OSBPL3: variants seen among roughly 807,000 people sequenced by gnomAD.
OSBPL3 encodes oxysterol-binding protein-related protein 3.
Under a neutral mutation model 120.1 loss-of-function variants are expected in OSBPL3, and 65 were observed. That is an observed-to-expected ratio of 0.54 (90% CI 0.44 to 0.67). The LOEUF is 0.67. OSBPL3 is among the 30% of genes least tolerant of loss of function. OSBPL3 has a pLI of 0.00. For synonymous variants in OSBPL3, 416 were observed against 402.6 expected, an observed-to-expected ratio of 1.03 and a Z score of -0.40; for missense variants, 1,004 against 1,082.1, an observed-to-expected ratio of 0.93 and a Z score of 1.01.
At chr7:24,962,498 T>C (rs1444295474) in intron 1 of OSBPL3, among the ~76,000 whole-genome samples, 6 of 131,730 alleles carry the variant, frequency 4.6e-5, no homozygotes, top group African/African-American at 1.8e-4. Context: ...GAGGAGACGC[T>C]TGGCCCATGC....
At position 24,835,699 on chromosome 7, in the gene OSBPL3, G is replaced by A. The variant is rs1203999296; in HGVS notation, c.1496-963C>T. Among the ~76,000 whole-genome samples the A allele has an allele frequency of 6.6e-6, 1 of 152,132 alleles. No homozygotes were observed. Among genetic ancestry groups the A allele is most frequent in the Non-Finnish European group, 1.5e-5 (1 of 68,032 alleles). ...CAACAGTAGACTAGATAAAGAAAAT[G>A]TGGTACATATACACCATGGAATACT... is the stretch of plus-strand genomic sequence containing the variant. On this transcript the variant is annotated intron_variant, in intron 14 of 22. Coordinates refer to ENST00000313367, the MANE Select transcript of OSBPL3 (RefSeq NM_015550.4). This position sits in a 1 kb window ranked among gnomAD's most constrained non-coding sequence, Gnocchi z 4.8.
intron 2 of OSBPL3, among the ~76,000 whole-genome samples, chr7:24,880,602 C>T (rs929105734): frequency 1.3e-5 from 2 of 152,142 alleles, no homozygotes; most frequent in African/African-American, 4.8e-5. Context: ...TTTCCTGTAC[C>T]ATCATGGAAT....
chr7:24,869,847 C>T (rs568304720), intron 5 of OSBPL3, among the ~76,000 whole-genome samples: 7 of 152,196 alleles, frequency 4.6e-5, no homozygotes, highest in African/African-American at 9.7e-5. Flanking sequence ...AGACAAGGAG[C>T]TCATGATCTC....
rs1297862279 is a variant in OSBPL3, at chr7:24,877,814, T to G, written c.97-5745A>C. 6.6e-6 allele frequency among the ~76,000 whole-genome samples: 1 copy of G among 152,160 alleles called. No individual in the cohort carries two copies. Among genetic ancestry groups the G allele is most frequent in the Non-Finnish European group, 1.5e-5 (1 of 68,012 alleles). On this transcript the variant is annotated intron_variant, in intron 2 of 22. Coordinates refer to ENST00000313367, the MANE Select transcript of OSBPL3 (RefSeq NM_015550.4). The surrounding 1 kb of genome is among the most constrained non-coding windows in gnomAD (Gnocchi z 4.8). Reference sequence around the variant, plus strand: ...GGCAGGCACCTTGAGCTGCATATCCTGAGACACAGTACAGGGTAGACTTGG... The same window carrying G: ...GGCAGGCACCTTGAGCTGCATATCCGGAGACACAGTACAGGGTAGACTTGG...
At chr7:24,897,319 T>TC (rs1806296758) in intron 1 of OSBPL3, among the ~76,000 whole-genome samples, 1 of 138,370 alleles carries the variant, frequency 7.2e-6, no homozygotes, top group Non-Finnish European at 1.5e-5. Context: ...GATGGCAGAA[T>TC]CTTTTTTTTT....
chr7:24,927,754 T>C (rs1461915107), intron 1 of OSBPL3, among the ~76,000 whole-genome samples: 1 of 152,186 alleles, frequency 6.6e-6, no homozygotes, highest in Non-Finnish European at 1.5e-5. Context: ...AATGGCATGA[T>C]AAAAATATTT....
Position 24,877,121 on chromosome 7 carries a change from T to C in OSBPL3, c.97-5052A>G, listed in dbSNP as rs1300671288. The stretch of plus-strand genomic sequence containing the variant: ...ACTGCAGAACTTACATTTTTAATCA[T>C]TCTGTCACATATTATAGCATACTGC... On this transcript the variant is annotated intron_variant, in intron 2 of 22. Coordinates refer to ENST00000313367, the MANE Select transcript of OSBPL3 (RefSeq NM_015550.4). This position sits in a 1 kb window ranked among gnomAD's most constrained non-coding sequence, Gnocchi z 4.8. Among the ~76,000 whole-genome samples, 1 of 152,244 alleles carries C rather than the reference T, an allele frequency of 6.6e-6. No individual in the cohort carries two copies. Among genetic ancestry groups the C allele is most frequent in the Admixed American group, 6.5e-5 (1 of 15,280 alleles).
chr7:24,868,268 G>A (rs569334910), intron 5 of OSBPL3, among the ~76,000 whole-genome samples: 7 of 147,770 alleles, frequency 4.7e-5, no homozygotes, highest in African/African-American at 1.8e-4. Flanking sequence ...AATAAGCCGA[G>A]ATCACACCAC....
At position 24,947,522 on chromosome 7, in the gene OSBPL3, C is replaced by T. The variant is rs895780619; in HGVS notation, c.-150+32364G>A. ...TTATTTCACAGAAACTACCTTTCCT[C>T]AGTCCCTATCAAGAAATGAATTTCA... On this transcript the variant is annotated intron_variant, in intron 1 of 22. Coordinates refer to ENST00000313367, the MANE Select transcript of OSBPL3 (RefSeq NM_015550.4). This position sits in a 1 kb window ranked among gnomAD's most constrained non-coding sequence, Gnocchi z 4.4. Among the ~76,000 whole-genome samples the T allele has an allele frequency of 2.6e-5, 4 of 152,264 alleles. No homozygotes were observed. Among genetic ancestry groups the T allele is most frequent in the Middle Eastern group, 3.4e-3 (1 of 294 alleles).
rs142720310 is a variant in OSBPL3, at chr7:24,938,779, ATGTGTGTGTGTGTGTGTG to A, written c.-150+41089_-150+41106del. 1.1e-3 allele frequency among the ~76,000 whole-genome samples: 103 copies of A among 94,246 alleles called. No individual in the cohort carries two copies. The highest frequency in any genetic ancestry group is 1.9e-3 in the Non-Finnish European group (84 of 45,114). 61.8% of individuals were successfully genotyped at this position (94,246 alleles called of 152,430 possible). ...AACTGAATAATGAGGTTTTGTTTTG[ATGTGTGTGTGTGTGTGTG>A]TGTGTGTGTGTGTGTGTGTGTGTGT... is the stretch of plus-strand genomic sequence containing the variant. On this transcript the variant is annotated intron_variant, in intron 1 of 22. Transcript: ENST00000313367. The surrounding 1 kb of genome is among the most constrained non-coding windows in gnomAD (Gnocchi z 5.8).
chr7:24,950,723 AAAAAC>A (rs1248285863), intron 1 of OSBPL3, among the ~76,000 whole-genome samples: 3 of 152,364 alleles, frequency 2.0e-5, no homozygotes, highest in African/African-American at 7.2e-5. Flanking sequence ...CTCCGTCTCA[AAAAAC>A]AAAACAAAAC....
Position 24,872,448 on chromosome 7 carries a change from A to AGAGAGTGTGTGTGTGT in OSBPL3, c.97-380_97-379insACACACACACACTCTC, listed in dbSNP as rs912921078. ...TCAGTCTGAATTTTAACCGAAAGAGAGTGTGTGTGTGTGTGTGTGTGTGTG... is the reference window on the plus strand; with the variant it reads ...TCAGTCTGAATTTTAACCGAAAGAGAGAGAGTGTGTGTGTGTGTGTGTGTGTGTGTGTGTGTGTGTG... On this transcript the variant is annotated intron_variant, in intron 2 of 22. Transcript: ENST00000313367. The surrounding 1 kb of genome is among the most constrained non-coding windows in gnomAD (Gnocchi z 4.1). 2.1e-5 allele frequency among the ~76,000 whole-genome samples: 3 copies of AGAGAGTGTGTGTGTGT among 144,890 alleles called. No individual in the cohort carries two copies. The highest frequency in any genetic ancestry group is 5.2e-5 in the African/African-American group (2 of 38,708).
At chr7:24,920,393 C>CCATATAT (rs1387480183) in intron 1 of OSBPL3, among the ~76,000 whole-genome samples, 3 of 152,034 alleles carry the variant, frequency 2.0e-5, no homozygotes, top group Non-Finnish European at 4.4e-5. Context: ...TTTTTAAAGG[C>CCATATAT]CATATATTGT....
In OSBPL3 at chr7:24,801,027, G is replaced by C. The variant is rs149905529; in HGVS notation, c.2568-748C>G. 3.1e-3 allele frequency among the ~76,000 whole-genome samples: 474 copies of C among 151,148 alleles called. 6 individuals carry two copies. The highest frequency in any genetic ancestry group is 0.01 in the African/African-American group (423 of 41,210). ...GGAGGCCGAAGCGGGCACATCACGA[G>C]GTCAGGAGTTCAAGACCAGCTTGGC... On this transcript the variant is annotated intron_variant, in intron 22 of 22. Transcript: ENST00000313367.
intron 1 of OSBPL3, among the ~76,000 whole-genome samples, chr7:24,954,216 C>G (rs1407304885): frequency 6.6e-6 from 1 of 152,150 alleles, no homozygotes; most frequent in South Asian, 2.1e-4. Flanking sequence ...TGTCCAAACA[C>G]TTTGGATTAA....
At chr7:24,961,716 G>A (rs1039039733) in intron 1 of OSBPL3, among the ~76,000 whole-genome samples, 8 of 152,128 alleles carry the variant, frequency 5.3e-5, no homozygotes, top group African/African-American at 1.9e-4. Flanking sequence ...CCCATTTCTG[G>A]CATTTTATTA....
chr7:24,819,142 A>G lies in OSBPL3; in HGVS notation c.1948+1033T>C, dbSNP rs1300317119. Reference sequence around the variant, plus strand: ...GTGGCGCATGCCTGTAGTCCCAGCTACTCGGGAGGCTGAGACAGGAGAATC... The same window carrying G: ...GTGGCGCATGCCTGTAGTCCCAGCTGCTCGGGAGGCTGAGACAGGAGAATC... On this transcript the variant is annotated intron_variant, in intron 17 of 22. Transcript: ENST00000313367. The surrounding 1 kb of genome is among the most constrained non-coding windows in gnomAD (Gnocchi z 4.1). 1.3e-5 allele frequency among the ~76,000 whole-genome samples: 2 copies of G among 151,662 alleles called. No homozygotes were observed. The highest frequency in any genetic ancestry group is 1.3e-4 in the Admixed American group (2 of 15,196).
chr7:24,901,114 G>A (rs1295542541), intron 1 of OSBPL3, among the ~76,000 whole-genome samples: 1 of 151,928 alleles, frequency 6.6e-6, no homozygotes, highest in Non-Finnish European at 1.5e-5. Context: ...CGGATCACGA[G>A]GTCAAGAGTT....
intron 16 of OSBPL3, among the ~76,000 whole-genome samples, chr7:24,823,651 G>T (rs541018045): frequency 6.6e-6 from 1 of 152,068 alleles, no homozygotes; most frequent in South Asian, 2.1e-4. Flanking sequence ...CCTCAGTCTC[G>T]CATATTTCTT....
Sources: allele counts gnomAD v4.1 joint callset (sites outside exome capture counted in the v4.1 genomes callset), GRCh38; gene constraint gnomAD v4.1.1; non-coding constraint Gnocchi (gnomAD v3.1); transcripts MANE v1.5; gene names NCBI Gene and HGNC (gene_info 2026-07-23, HGNC 2026-07-21).